STXBP5: variants seen among roughly 807,000 people sequenced by gnomAD.
STXBP5 encodes syntaxin binding protein 5.
STXBP5 carries 50 observed loss-of-function variants against 152.4 expected under a neutral mutation model. The ratio of observed to expected loss-of-function variants is 0.33; its 90% CI spans 0.26 to 0.42. STXBP5 has a LOEUF of 0.42. Among genes scored for constraint, STXBP5 ranks in the 10% least tolerant of loss-of-function variants. The pLI is 1.00. For synonymous variants in STXBP5, 492 were observed against 494.7 expected (o/e 0.99, Z 0.07); for missense variants, 1,167 against 1,388.6 (o/e 0.84, Z 2.54).
chr6:147,366,209 C>T (rs953954990), intron 25 of STXBP5, among the ~76,000 whole-genome samples: 30 of 152,148 alleles, frequency 2.0e-4, no homozygotes, highest in African/African-American at 6.5e-4. Context: ...CCTGAGTATA[C>T]CATACGTGCT....
At chr6:147,341,933 C>A (rs1012939578) in intron 21 of STXBP5, among the ~76,000 whole-genome samples, 15 of 152,024 alleles carry the variant, frequency 9.9e-5, no homozygotes, top group Admixed American at 9.8e-4. Context: ...ACTACTGTTT[C>A]CCTGTTTTAC....
At chr6:147,292,381 T>A in intron 9 of STXBP5, 1 of 336,664 alleles carries the variant, frequency 3.0e-6, no homozygotes, top group South Asian at 2.3e-5. Context: ...CATAGTTATC[T>A]GACTTCTTTG....
At chr6:147,247,770 A>T (rs939635995) in intron 4 of STXBP5, among the ~76,000 whole-genome samples, 7 of 152,056 alleles carry the variant, frequency 4.6e-5, no homozygotes, top group Non-Finnish European at 1.0e-4. Flanking sequence ...ACTTATATAG[A>T]TTTTTAGGGG....
intron 14 of STXBP5, among the ~76,000 whole-genome samples, 187 bp downstream of exon 14, chr6:147,314,823 T>C (rs1027311696): frequency 6.6e-6 from 1 of 152,164 alleles, no homozygotes; most frequent in Non-Finnish European, 1.5e-5. Context: ...AAATCAAGAA[T>C]AATTGGCAAC....
chr6:147,340,319 C>G (rs1361907703), intron 21 of STXBP5, among the ~76,000 whole-genome samples: 1 of 151,740 alleles, frequency 6.6e-6, no homozygotes, highest in Non-Finnish European at 1.5e-5. Context: ...TAAATTGAAC[C>G]CTGTTTAGTC....
chr6:147,213,291 G>A (rs1292669831), intron 2 of STXBP5, among the ~76,000 whole-genome samples: 1 of 150,668 alleles, frequency 6.6e-6, no homozygotes, highest in Admixed American at 6.6e-5. Flanking sequence ...TTTGAGATAG[G>A]GTTTCTTTCT....
intron 9 of STXBP5, chr6:147,292,904 A>T (rs1414197679): frequency 1.3e-5 from 2 of 152,234 alleles, no homozygotes; most frequent in Non-Finnish European, 2.9e-5. Flanking sequence ...ATGAAAATTT[A>T]AAATGTTGCT....
Position 147,388,618 on chromosome 6 carries a change from T to C in STXBP5, c.*3863T>C, listed in dbSNP as rs1168486928. 6.6e-6 allele frequency: 1 copy of C among 151,344 alleles called. No homozygotes were observed. The highest frequency in any genetic ancestry group is 1.9e-4 in the East Asian group (1 of 5,166). The allele number at this position is 151,344 out of a possible 1,614,324, so 9.4% of individuals were successfully genotyped here. On this transcript the variant is annotated 3_prime_UTR_variant, in exon 28 of 28. Coordinates refer to ENST00000321680, the MANE Select transcript of STXBP5 (RefSeq NM_001127715.4). ...AGATACAATTAATTTTAAAAAATCATACATCATTTAAAAATCTTCACACAT... is the reference window on the plus strand; with the variant it reads ...AGATACAATTAATTTTAAAAAATCACACATCATTTAAAAATCTTCACACAT...
Position 147,363,383 on chromosome 6 carries a change from A to T in STXBP5, c.2594A>T (p.Asp865Val), listed in dbSNP as rs1180914631. The change falls in exon 24 of 28, where the codon GAT becomes GTT. Residue 865 changes from aspartate to valine, a missense_variant. By Grantham distance (152) the Asp-to-Val change is radical. This residue lies in a region of STXBP5 where 833 missense variants were observed against 986.3 expected (regional missense o/e 0.84). Coordinates refer to ENST00000321680, the MANE Select transcript of STXBP5 (RefSeq NM_001127715.4). ...GCAATCTTGAGAATGGCATTTCTGG[A>T]TACCACAGGCTGCTTAATACCACCT... ...KGAILRMAFLDTTGCLIPPAY... is the reference protein window; with the variant it reads ...KGAILRMAFLVTTGCLIPPAY... 1 of 1,611,380 alleles carries T rather than the reference A, an allele frequency of 6.2e-7. No individual in the cohort carries two copies. Among genetic ancestry groups the T allele is most frequent in the Admixed American group, 1.7e-5 (1 of 59,406 alleles).
At chr6:147,334,701 A>C (rs1783743530) in intron 19 of STXBP5, among the ~76,000 whole-genome samples, 1 of 152,116 alleles carries the variant, frequency 6.6e-6, no homozygotes. Flanking sequence ...TCTTATCTAT[A>C]AATGGGTCTT....
chr6:147,376,820 CATTA>C (rs963087736), intron 26 of STXBP5, among the ~76,000 whole-genome samples: 15 of 151,880 alleles, frequency 9.9e-5, no homozygotes, highest in South Asian at 8.3e-4. Context: ...TCTAAAAATA[CATTA>C]ATTAATTAAT....
intron 26 of STXBP5, among the ~76,000 whole-genome samples, chr6:147,382,260 G>C (rs1367562004): frequency 2.0e-5 from 3 of 151,972 alleles, no homozygotes; most frequent in Non-Finnish European, 4.4e-5. Flanking sequence ...AAAGAATATA[G>C]CATGCCTACA....
intron 2 of STXBP5, among the ~76,000 whole-genome samples, chr6:147,221,583 C>T (rs1252711851): frequency 6.7e-6 from 1 of 149,926 alleles, no homozygotes; most frequent in Non-Finnish European, 1.5e-5. Flanking sequence ...TGTTTTATTT[C>T]TCTCTCTTCT....
At chr6:147,241,070 A>G (rs966931611) in intron 4 of STXBP5, among the ~76,000 whole-genome samples, 3 of 152,184 alleles carry the variant, frequency 2.0e-5, no homozygotes, top group African/African-American at 4.8e-5. Context: ...ACCATATCAC[A>G]TTTCTTTGAT....
chr6:147,298,239 A>T (rs984395925), intron 9 of STXBP5, among the ~76,000 whole-genome samples: 5 of 152,140 alleles, frequency 3.3e-5, no homozygotes, highest in African/African-American at 1.2e-4. Context: ...AACTGTAAAA[A>T]ATGACCAAAA....
intron 11 of STXBP5, among the ~76,000 whole-genome samples, chr6:147,313,127 A>G (rs1038286593): frequency 6.6e-6 from 1 of 152,168 alleles, no homozygotes; most frequent in Non-Finnish European, 1.5e-5. Flanking sequence ...TTTGCAGTCT[A>G]TAAGGGACTA....
chr6:147,384,654 T>G, intron 27 of STXBP5, 60 bp from the exon 28 acceptor site: 1 of 1,523,470 alleles, frequency 6.6e-7, no homozygotes, highest in Middle Eastern at 1.8e-4. Context: ...TAGAAATCAC[T>G]TATAAATGTT....
At chr6:147,219,443 G>C (rs1447511548) in intron 2 of STXBP5, among the ~76,000 whole-genome samples, 3 of 152,066 alleles carry the variant, frequency 2.0e-5, no homozygotes, top group African/African-American at 7.2e-5. Context: ...AATGAGTTAG[G>C]ATATATTTCC....
intron 26 of STXBP5, among the ~76,000 whole-genome samples, chr6:147,380,540 A>G (rs1262172364): frequency 6.6e-6 from 1 of 151,906 alleles, no homozygotes; most frequent in African/African-American, 2.4e-5. Flanking sequence ...TCAATATAAG[A>G]GCTAAAACTG....
Sources: gnomAD v4.1 joint callset for allele counts (sites outside exome capture counted in the v4.1 genomes callset) on GRCh38, gnomAD v4.1.1 for gene constraint, gnomAD v4.1.1 regional missense constraint, MANE v1.5 for transcripts, NCBI Gene and HGNC (gene_info 2026-07-23, HGNC 2026-07-21) for gene names.